HUWE1: variants seen among roughly 807,000 people sequenced by gnomAD.
HUWE1 encodes HECT, UBA and WWE domain containing E3 ubiquitin protein ligase 1.
A neutral mutation model predicts 299.4 loss-of-function variants in HUWE1; 18 were observed. The observed-to-expected ratio is 0.06, with a 90% CI of 0.04 to 0.09. The LOEUF (loss-of-function observed/expected upper bound fraction) is 0.09. Among genes scored for constraint, HUWE1 ranks in the 10% least tolerant of loss-of-function variants. The pLI is 1.00. For synonymous variants in HUWE1, 1,317 were observed against 1,286.1 expected (o/e 1.02, Z -0.51); for missense variants, 1,832 against 3,462.3 (o/e 0.53, Z 11.82).
intron 49 of HUWE1, among the ~76,000 whole-genome samples, chrX:53,568,006 T>TA (rs369577253): frequency 1.8e-5 from 2 of 111,998 alleles, no homozygotes; most frequent in African/African-American, 6.5e-5. Flanking sequence ...TGCACCAAGT[T>TA]TAGAAGGCAA....
At chrX:53,598,113 C>T (rs1042545762) in intron 29 of HUWE1, among the ~76,000 whole-genome samples, 23 of 111,650 alleles carry the variant, frequency 2.1e-4, no homozygotes, top group Non-Finnish European at 3.2e-4. Flanking sequence ...TAACAGAAGA[C>T]GTCTTGATAG....
chrX:53,629,751 C>T, intron 12 of HUWE1, 135 bp from the exon 13 acceptor site: 1 of 454,059 alleles, frequency 2.2e-6, no homozygotes, highest in South Asian at 3.3e-5. Flanking sequence ...GAATCATCAC[C>T]AAATTAAATT....
chrX:53,593,504 C>A lies in HUWE1; in HGVS notation c.3601G>T (p.Ala1201Ser), dbSNP rs782060360. Reference protein sequence around the residue: ...LPDGTGEFLDAWLMLVEKMVN... With the variant: ...LPDGTGEFLDSWLMLVEKMVN... The stretch of plus-strand genomic sequence containing the variant: ...ATCTTCTCCACCAGCATAAGCCAGG[C>A]ATCTAGGAATTCTCCTGTGCCATCA... Residue 1201 changes from alanine to serine, a missense_variant, in exon 32 of 84, where the codon GCC (alanine) becomes TCC (serine). By Grantham distance (99) the Ala-to-Ser change is moderately conservative. This residue lies in a region of HUWE1 where 658 missense variants were observed against 1,282.6 expected (regional missense o/e 0.51). Transcript: ENST00000262854. 2 of 1,209,596 alleles carry A rather than the reference C, an allele frequency of 1.7e-6. No homozygotes were observed. The highest frequency in any genetic ancestry group is 3.0e-5 in the East Asian group (1 of 33,773).
rs201328934 is a variant in HUWE1 at position 53,589,514 on chromosome X, A to G, written c.4461+33T>C. On this transcript the variant is annotated intron_variant, in intron 36 of 83. Transcript: ENST00000262854. ...GACACAGGCAGGCAAACCACTTCAC[A>G]TACTCCCCTCTTCTGACCCCTTGAG... 25 of 1,197,608 alleles carry G rather than the reference A, an allele frequency of 2.1e-5. No individual in the cohort carries two copies. In the Admixed American group the frequency reaches 5.3e-4, roughly 25 times the overall value.
intron 44 of HUWE1, 23 bp from the exon 45 acceptor site, chrX:53,575,811 CA>C (rs1464733196): frequency 8.3e-7 from 1 of 1,203,090 alleles, no homozygotes; most frequent in Non-Finnish European, 1.1e-6. Context: ...TAACAACCAT[CA>C]AAAACAAAAT....
At chrX:53,539,532 T>C (rs1757975550) in intron 75 of HUWE1, 125 bp downstream of exon 75, 1 of 655,592 alleles carries the variant, frequency 1.5e-6, no homozygotes. Context: ...ACACTTCTCT[T>C]TTGAATTCTC....
rs60356592 is a variant in HUWE1 at position 53,671,791 on chromosome X, C to CAAA, written c.-25+8255_-25+8257dup. Among the ~76,000 whole-genome samples the CAAA allele has an allele frequency of 5.0e-3, 142 of 28,377 alleles. 3 individuals carry two copies. The highest frequency in any genetic ancestry group is 9.3e-3 in the South Asian group (2 of 214). 24.6% of individuals were successfully genotyped at this position (28,377 alleles called of 115,157 possible). ...CCTGGGCGACAGCGAGACTCCGTCTCAAAAAAAAAAAAAAAAAAAAAAAAG... is the reference window on the plus strand; with the variant it reads ...CCTGGGCGACAGCGAGACTCCGTCTCAAAAAAAAAAAAAAAAAAAAAAAAAAAG... On this transcript the variant is annotated intron_variant, in intron 3 of 83. Transcript: ENST00000262854.
In HUWE1 at chrX:53,533,333, G is replaced by A. The variant is rs1351349617; in HGVS notation, c.13101C>T (p.Cys4367=). 1.7e-6 allele frequency: 2 copies of A among 1,205,976 alleles called. No homozygotes were observed. Among genetic ancestry groups the A allele is most frequent in the Non-Finnish European group, 2.2e-6 (2 of 890,959 alleles). The part of the protein sequence containing the change: ...RHMLLLAIQE[C]SEGFGLA ...ATTAGGCCAGCCCAAAGCCTTCAGAGCACTCCTGGATAGCCAACAGTAGCA... is the reference window on the plus strand; with the variant it reads ...ATTAGGCCAGCCCAAAGCCTTCAGAACACTCCTGGATAGCCAACAGTAGCA... Residue 4367 remains cysteine (C), a synonymous_variant, in exon 84 of 84, where the codon TGC becomes TGT. Transcript: ENST00000262854.
At chrX:53,684,159 T>C (rs1462358731) in intron 2 of HUWE1, 3 of 245,182 alleles carry the variant, frequency 1.2e-5, no homozygotes, top group East Asian at 1.2e-4. Context: ...AACGAAGCAG[T>C]GAGGGGCGGA....
intron 22 of HUWE1, among the ~76,000 whole-genome samples, chrX:53,615,159 T>G (rs1209885005): frequency 9.0e-6 from 1 of 110,664 alleles, no homozygotes; most frequent in East Asian, 2.8e-4. Flanking sequence ...AAGCCATGTC[T>G]GCTTGTCCAT....
chrX:53,572,061 T>C (rs2062855447), intron 47 of HUWE1, among the ~76,000 whole-genome samples: 1 of 112,177 alleles, frequency 8.9e-6, no homozygotes, highest in Non-Finnish European at 1.9e-5. Context: ...TTATTAGCAG[T>C]AGAATGGGTA....
rs782064856 is a variant in HUWE1, at chrX:53,607,505, T to C, written c.2496+18A>G. The C allele has an allele frequency of 7.5e-6, 9 of 1,203,372 alleles. No individual in the cohort carries two copies. ...ATTTCCAGAAAGAAATGAAAACATT[T>C]GGCCAGATGCTTCTTACCAATATGG... On this transcript the variant is annotated intron_variant, in intron 25 of 83. Transcript: ENST00000262854.
intron 70 of HUWE1, among the ~76,000 whole-genome samples, chrX:53,545,959 T>G (rs1263275012): frequency 9.0e-6 from 1 of 111,572 alleles, no homozygotes; most frequent in African/African-American, 3.3e-5. Context: ...GGGAGGAAGA[T>G]GATAGAAACG....
chrX:53,661,802 A>T (rs1449179459), intron 3 of HUWE1, among the ~76,000 whole-genome samples: 1 of 111,100 alleles, frequency 9.0e-6, no homozygotes, highest in Non-Finnish European at 1.9e-5. Flanking sequence ...TTTATCTAAT[A>T]TTTTTTTTCA....
chrX:53,534,319 G>C, intron 82 of HUWE1, 122 bp from the exon 83 acceptor site: 2 of 718,081 alleles, frequency 2.8e-6, no homozygotes. Flanking sequence ...TCTGTGGGAT[G>C]AGCTTTAGCT....
At chrX:53,678,978 T>C (rs989150787) in intron 3 of HUWE1, among the ~76,000 whole-genome samples, 2 of 111,783 alleles carry the variant, frequency 1.8e-5, no homozygotes, top group African/African-American at 3.3e-5. Context: ...CTAGTTATTT[T>C]AGGATAGTGC....
intron 29 of HUWE1, among the ~76,000 whole-genome samples, chrX:53,595,979 T>G (rs1253410717): frequency 8.9e-6 from 1 of 112,319 alleles, no homozygotes; most frequent in African/African-American, 3.2e-5. Context: ...CATACAAATA[T>G]AAACATATGT....
At chrX:53,595,166 G>A in intron 30 of HUWE1, 21 bp downstream of exon 30, 1 of 1,155,855 alleles carries the variant, frequency 8.7e-7, no homozygotes, top group Non-Finnish European at 1.2e-6. Context: ...TCTAGTCCCT[G>A]AATCTCAAGC....
rs781900306 is a variant in HUWE1 at position 53,591,136 on chromosome X, G to T, written c.3973-14C>A. ...CATGTCCATGAGCTACATAAAGAAT[G>T]CAAGGGCTCAGAATCACATAACGGA... On this transcript the variant is annotated splice_polypyrimidine_tract_variant and intron_variant, in intron 33 of 83. Coordinates refer to ENST00000262854, the MANE Select transcript of HUWE1 (RefSeq NM_031407.7). 4.1e-6 allele frequency: 5 copies of T among 1,207,442 alleles called. No homozygotes were observed. The highest frequency in any genetic ancestry group is 3.0e-5 in the East Asian group (1 of 33,792).
Sources: gnomAD v4.1 joint callset for allele counts (sites outside exome capture counted in the v4.1 genomes callset) on GRCh38, gnomAD v4.1.1 for gene constraint, gnomAD v4.1.1 regional missense constraint, MANE v1.5 for transcripts, NCBI Gene and HGNC (gene_info 2026-07-23, HGNC 2026-07-21) for gene names.